GNG7: variants seen among roughly 807,000 people sequenced by gnomAD.
GNG7 encodes the protein guanine nucleotide-binding protein G(I)/G(S)/G(O) subunit gamma-7.
A neutral mutation model predicts 4.0 loss-of-function variants in GNG7; 1 was observed. The ratio of observed to expected loss-of-function variants is 0.25; its 90% CI spans 0.09 to 1.18. The LOEUF is 1.18. Ranked by LOEUF, GNG7 falls within the 50% of genes most tolerant of loss-of-function variation. GNG7 has a pLI of 0.50. For synonymous variants in GNG7, 34 were observed against 36.9 expected, an observed-to-expected ratio of 0.92 and a Z score of 0.29; for missense variants, 86 against 91.9, an observed-to-expected ratio of 0.94 and a Z score of 0.26.
At chr19:2,656,374 C>T (rs1437768851) in intron 1 of GNG7, among the ~76,000 whole-genome samples, 2 of 152,140 alleles carry the variant, frequency 1.3e-5, no homozygotes, top group Admixed American at 6.5e-5. Context: ...GAGGCCAAGG[C>T]AGGCGGATCA....
chr19:2,519,929 C>T lies in GNG7; in HGVS notation c.81+679G>A, dbSNP rs181990642. Among the ~76,000 whole-genome samples the T allele has an allele frequency of 8.5e-5, 13 of 152,330 alleles. No homozygotes were observed. The East Asian group carries it at 2.5e-3, about 29-fold the overall frequency. ...GCATGGTGGCTCACGCCTGGAATCC[C>T]AGGACTTTGGGAGGCCGAGGCAGGC... On this transcript the variant is annotated intron_variant, in intron 4 of 4. Transcript: ENST00000382159.
In GNG7 at chr19:2,546,373, G is replaced by A. The variant is rs756459976; in HGVS notation, c.-38+8776C>T. ...AGGGCGGCTGTGTGTGGGGCCTTCCGTGCCAGCTCTGACCGTTGGTGGCTC... is the reference window on the plus strand; with the variant it reads ...AGGGCGGCTGTGTGTGGGGCCTTCCATGCCAGCTCTGACCGTTGGTGGCTC... On this transcript the variant is annotated intron_variant, in intron 3 of 4. Transcript: ENST00000382159. The surrounding 1 kb of genome is among the most constrained non-coding windows in gnomAD (Gnocchi z 6.3). 4.6e-5 allele frequency among the ~76,000 whole-genome samples: 7 copies of A among 152,226 alleles called. No homozygotes were observed. Among genetic ancestry groups the A allele is most frequent in the Non-Finnish European group, 7.3e-5 (5 of 68,034 alleles).
intron 3 of GNG7, among the ~76,000 whole-genome samples, chr19:2,551,649 T>TTATAGATA (rs1979335702): frequency 1.3e-5 from 1 of 78,232 alleles, no homozygotes; most frequent in East Asian, 1.3e-3. Context: ...ATATACATAT[T>TTATAGATA]TATAAATAAA....
intron 2 of GNG7, among the ~76,000 whole-genome samples, chr19:2,568,325 A>C (rs1255700575): frequency 3.3e-5 from 5 of 151,112 alleles, no homozygotes; most frequent in African/African-American, 1.2e-4. Flanking sequence ...GCACACACAC[A>C]TATACACACA....
At chr19:2,518,779 T>C (rs1234405896) in intron 4 of GNG7, among the ~76,000 whole-genome samples, 1 of 152,002 alleles carries the variant, frequency 6.6e-6, no homozygotes, top group Non-Finnish European at 1.5e-5. Context: ...CCCCAGGGTT[T>C]GGTTAAATGT....
chr19:2,612,680 CTTAGAATTTTTTTTTTTTTT>C (rs1981604592), intron 2 of GNG7, among the ~76,000 whole-genome samples: 1 of 145,642 alleles, frequency 6.9e-6, no homozygotes, highest in African/African-American at 2.7e-5. Context: ...TAAAATACAG[CTTAGAATTTTTTTTTTTTTT>C]TGAGAAATTT....
intron 2 of GNG7, among the ~76,000 whole-genome samples, chr19:2,589,571 C>T (rs1980779015): frequency 6.6e-6 from 1 of 151,850 alleles, no homozygotes. Context: ...GTCTCTGGAT[C>T]TTCCTGTGTC....
chr19:2,519,065 C>A (rs780854054), intron 4 of GNG7, among the ~76,000 whole-genome samples: 1 of 148,508 alleles, frequency 6.7e-6, no homozygotes, highest in African/African-American at 2.5e-5. Context: ...CAAAGTGCTG[C>A]GATTCCAGGC....
In GNG7 at chr19:2,625,347, T is replaced by C. The variant is rs1981993948; in HGVS notation, c.-78+20877A>G. Among the ~76,000 whole-genome samples, 3 of 152,168 alleles carry C rather than the reference T, an allele frequency of 2.0e-5. No homozygotes were observed. The South Asian group carries it at 6.2e-4, about 31-fold the overall frequency. ...TCAGCACCCCAAAGCACTGGGATTA[T>C]AGGTGTGAGCCACTGTGCCCAGCCA... On this transcript the variant is annotated intron_variant, in intron 2 of 4. Coordinates refer to ENST00000382159, the MANE Select transcript of GNG7 (RefSeq NM_052847.3).
rs1982862616 is a variant in GNG7 at position 2,652,686 on chromosome 19, AGAGGAGGGAAAG to A, written c.-134-6418_-134-6407del. Among the ~76,000 whole-genome samples the A allele has an allele frequency of 2.6e-5, 4 of 152,064 alleles. No homozygotes were observed. The South Asian group carries it at 8.3e-4, about 32-fold the overall frequency. ...AGAAAGCAGAAGAGCGGTTAGTGGT[AGAGGAGGGAAAG>A]GAAGGGGGAGATGGGGGTCAGAGGA... On this transcript the variant is annotated intron_variant, in intron 1 of 4. Transcript: ENST00000382159.
intron 3 of GNG7, among the ~76,000 whole-genome samples, chr19:2,548,379 G>A (rs1979196433): frequency 6.6e-6 from 1 of 151,040 alleles, no homozygotes; most frequent in East Asian, 2.0e-4. Flanking sequence ...TACTCGGGAG[G>A]CTAAGGCAGG....
chr19:2,696,390 GA>G (rs892228259), intron 1 of GNG7, among the ~76,000 whole-genome samples: 7 of 150,912 alleles, frequency 4.6e-5, no homozygotes, highest in African/African-American at 9.8e-5. Context: ...AGGGAAGAAA[GA>G]AAGGAAAGAC....
At chr19:2,698,634 C>T (rs950915016) in intron 1 of GNG7, among the ~76,000 whole-genome samples, 2 of 151,932 alleles carry the variant, frequency 1.3e-5, no homozygotes, top group African/African-American at 4.8e-5. Flanking sequence ...AGACCAGGCA[C>T]GACCTTCCTG....
intron 1 of GNG7, among the ~76,000 whole-genome samples, chr19:2,656,329 T>C (rs1406374051): frequency 6.6e-6 from 1 of 152,122 alleles, no homozygotes; most frequent in Admixed American, 6.6e-5. Context: ...TGAGGCCGGG[T>C]GCGGTGGCTC....
rs1466541270 is a variant in GNG7, at chr19:2,546,911, C to T, written c.-38+8238G>A. ...CCTGTCACTCCAGTTCTGGGCTTCC[C>T]GGCTGAGGAAATGCTGTCACCCTGG... On this transcript the variant is annotated intron_variant, in intron 3 of 4. Coordinates refer to ENST00000382159, the MANE Select transcript of GNG7 (RefSeq NM_052847.3). The surrounding 1 kb of genome is among the most constrained non-coding windows in gnomAD (Gnocchi z 6.3). Among the ~76,000 whole-genome samples, 2 of 152,082 alleles carry T rather than the reference C, an allele frequency of 1.3e-5. No homozygotes were observed. Among genetic ancestry groups the T allele is most frequent in the East Asian group, 1.9e-4 (1 of 5,170 alleles).
intron 2 of GNG7, among the ~76,000 whole-genome samples, chr19:2,562,438 C>T (rs144638515): frequency 1.1e-4 from 16 of 151,876 alleles, no homozygotes; most frequent in African/African-American, 2.7e-4. Context: ...CGTGAGCCAC[C>T]GCGCCCCGCT....
rs1982014835 is a variant in GNG7, at chr19:2,626,124, T to G, written c.-78+20100A>C. On this transcript the variant is annotated intron_variant, in intron 2 of 4. Coordinates refer to ENST00000382159, the MANE Select transcript of GNG7 (RefSeq NM_052847.3). This position sits in a 1 kb window ranked among gnomAD's most constrained non-coding sequence, Gnocchi z 5.0. ...TTTACTCCCTGCAGCAACCCTGGACTGCAGGGGTGGTGATCACCCCCCATT... is the reference window on the plus strand; with the variant it reads ...TTTACTCCCTGCAGCAACCCTGGACGGCAGGGGTGGTGATCACCCCCCATT... Among the ~76,000 whole-genome samples the G allele has an allele frequency of 6.6e-6, 1 of 152,118 alleles. No individual in the cohort carries two copies. Among genetic ancestry groups the G allele is most frequent in the Non-Finnish European group, 1.5e-5 (1 of 67,996 alleles).
At chr19:2,673,704 AAAAGAAAG>A (rs886575143) in intron 1 of GNG7, among the ~76,000 whole-genome samples, 22 of 151,510 alleles carry the variant, frequency 1.5e-4, no homozygotes, top group Non-Finnish European at 2.5e-4. Context: ...AAAAAAAAAA[AAAAGAAAG>A]AAAGAAAGAA....
chr19:2,526,231 G>C (rs1051324232), intron 3 of GNG7, among the ~76,000 whole-genome samples: 9 of 151,258 alleles, frequency 6.0e-5, no homozygotes, highest in African/African-American at 2.2e-4. Flanking sequence ...CGGCCTCCCA[G>C]AGTGCTGGGA....
Sources: allele counts gnomAD v4.1 joint callset (sites outside exome capture counted in the v4.1 genomes callset), GRCh38; gene constraint gnomAD v4.1.1; non-coding constraint Gnocchi (gnomAD v3.1); transcripts MANE v1.5; gene names NCBI Gene and HGNC (gene_info 2026-07-23, HGNC 2026-07-21).